The following LPAR1 variants were observed in gnomAD, a reference collection of about 807,000 sequenced individuals.
The protein encoded by LPAR1 is lysophosphatidic acid receptor 1, also known as LPA receptor 1.
Under a neutral mutation model 23.8 loss-of-function variants are expected in LPAR1, and 5 were observed. The ratio of observed to expected loss-of-function variants is 0.21; its 90% CI spans 0.11 to 0.44. The LOEUF is 0.44. LPAR1 is among the 20% of genes least tolerant of loss of function. LPAR1 has a pLI of 0.99. For synonymous variants in LPAR1, 160 were observed against 164.7 expected, an observed-to-expected ratio of 0.97 and a Z score of 0.22; for missense variants, 311 against 482.8, an observed-to-expected ratio of 0.64 and a Z score of 3.33.
intron 5 of LPAR1, among the ~76,000 whole-genome samples, chr9:110,891,658 G>T (rs1029015378): frequency 6.6e-6 from 1 of 151,468 alleles, no homozygotes; most frequent in Non-Finnish European, 1.5e-5. Context: ...GGTGAGGGAG[G>T]GATATAAAAG....
intron 2 of LPAR1, among the ~76,000 whole-genome samples, chr9:111,025,027 T>C (rs1400757191): frequency 6.6e-6 from 1 of 152,242 alleles, no homozygotes; most frequent in Non-Finnish European, 1.5e-5. Context: ...CATGTGTCTT[T>C]ATAGTAGAAT....
intron 4 of LPAR1, among the ~76,000 whole-genome samples, chr9:110,950,610 C>T (rs2095539826): frequency 6.6e-6 from 1 of 151,780 alleles, no homozygotes; most frequent in South Asian, 2.1e-4. Flanking sequence ...AATCATCAAG[C>T]CATATGAATC....
At chr9:111,031,374 T>C (rs555478241) in intron 2 of LPAR1, among the ~76,000 whole-genome samples, 3 of 126,736 alleles carry the variant, frequency 2.4e-5, no homozygotes. Context: ...CTGGGTAATG[T>C]AGTGAGAGCC....
At chr9:111,027,991 A>G (rs892840978) in intron 2 of LPAR1, among the ~76,000 whole-genome samples, 2 of 151,892 alleles carry the variant, frequency 1.3e-5, no homozygotes, top group Admixed American at 1.3e-4. Flanking sequence ...AGTGTGACTA[A>G]TATGTAGTCA....
intron 5 of LPAR1, among the ~76,000 whole-genome samples, chr9:110,898,721 T>C (rs2087437007): frequency 6.6e-6 from 1 of 152,208 alleles, no homozygotes; most frequent in Non-Finnish European, 1.5e-5. Context: ...ATCTACAAAA[T>C]GAAGGAGATC....
At chr9:111,002,607 G>C (rs1188652500) in intron 2 of LPAR1, among the ~76,000 whole-genome samples, 1 of 152,168 alleles carries the variant, frequency 6.6e-6, no homozygotes, top group Non-Finnish European at 1.5e-5. Flanking sequence ...AGGTAATGAG[G>C]ATGAACACAG....
At chr9:110,913,650 A>C (rs2092729263) in intron 5 of LPAR1, among the ~76,000 whole-genome samples, 2 of 152,220 alleles carry the variant, frequency 1.3e-5, no homozygotes, top group African/African-American at 4.8e-5. Context: ...TATGCCCACA[A>C]ACAAAAAGCA....
chr9:111,000,303 CA>C (rs1359620157), intron 2 of LPAR1, among the ~76,000 whole-genome samples: 3 of 152,142 alleles, frequency 2.0e-5, no homozygotes, highest in Non-Finnish European at 4.4e-5. Context: ...GAGCTGGGTA[CA>C]AGAATTCTAA....
At chr9:111,013,541 C>A in intron 2 of LPAR1, among the ~76,000 whole-genome samples, 1 of 152,134 alleles carries the variant, frequency 6.6e-6, no homozygotes, top group East Asian at 1.9e-4. Flanking sequence ...CCTGTGTGAA[C>A]TCTATGAAAC....
At position 110,874,422 on chromosome 9, in the gene LPAR1, T is replaced by C. The variant is rs1588080302; in HGVS notation, c.*999A>G. On this transcript the variant is annotated 3_prime_UTR_variant, in exon 6 of 6. Coordinates refer to ENST00000683809, the MANE Select transcript of LPAR1 (RefSeq NM_001351411.2). ...ATGTAAAAAAAGTATACAATACACA[T>C]ATAGGCATACATGGGGGTTGCTTTT... The C allele has an allele frequency of 6.6e-6, 1 of 152,642 alleles. No individual in the cohort carries two copies. Among genetic ancestry groups the C allele is most frequent in the East Asian group, 1.9e-4 (1 of 5,202 alleles). 9.5% of individuals were successfully genotyped at this position (152,642 alleles called of 1,614,324 possible).
chr9:110,985,621 C>T (rs1256663963), intron 2 of LPAR1, among the ~76,000 whole-genome samples: 1 of 152,106 alleles, frequency 6.6e-6, no homozygotes, highest in Non-Finnish European at 1.5e-5. Flanking sequence ...TAAGTAAACA[C>T]TGTCTTAATT....
At position 111,025,987 on chromosome 9, in the gene LPAR1, C is replaced by T. The variant is rs142254911; in HGVS notation, c.-182+10135G>A. Reference sequence around the variant, plus strand: ...GATGCCTCCAGCTTTGTTCTTTTTGCTCAGGACTGTCTTGGCTATACGGGC... The same window carrying T: ...GATGCCTCCAGCTTTGTTCTTTTTGTTCAGGACTGTCTTGGCTATACGGGC... On this transcript the variant is annotated intron_variant, in intron 2 of 5. Coordinates refer to ENST00000683809, the MANE Select transcript of LPAR1 (RefSeq NM_001351411.2). 2.6e-3 allele frequency among the ~76,000 whole-genome samples: 397 copies of T among 152,214 alleles called. 1 individual carries two copies. The highest frequency in any genetic ancestry group is 9.2e-3 in the African/African-American group (381 of 41,532).
At chr9:111,032,219 C>T (rs1473253240) in intron 2 of LPAR1, among the ~76,000 whole-genome samples, 3 of 152,152 alleles carry the variant, frequency 2.0e-5, no homozygotes, top group African/African-American at 7.2e-5. Context: ...CCAGGAGTAG[C>T]GAAACTGGAG....
Position 110,875,592 on chromosome 9 carries a change from G to A in LPAR1, c.924C>T (p.Pro308=), listed in dbSNP as rs1439964419. The change falls in exon 6 of 6, where the codon CCC becomes CCT. Residue 308 remains proline, a synonymous_variant. Coordinates refer to ENST00000683809, the MANE Select transcript of LPAR1 (RefSeq NM_001351411.2). The part of the protein sequence containing the change: ...LLAEFNSAMN[P]IIYSYRDKEM... ...CTTTGTCGCGGTAGGAGTAAATGATGGGGTTCATGGCAGAGTTGAATTCAG... is the reference window on the plus strand; with the variant it reads ...CTTTGTCGCGGTAGGAGTAAATGATAGGGTTCATGGCAGAGTTGAATTCAG... 1.2e-6 allele frequency: 2 copies of A among 1,613,932 alleles called. No individual in the cohort carries two copies. Among genetic ancestry groups the A allele is most frequent in the Non-Finnish European group, 1.7e-6 (2 of 1,179,998 alleles).
rs545750811 is a variant in LPAR1 at position 111,012,547 on chromosome 9, G to A, written c.-182+23575C>T. The stretch of plus-strand genomic sequence containing the variant: ...CAAAAGCAGAATTGAATCTGGGTTG[G>A]TCTCAGTTGATGGTAAAGCTAGGAT... On this transcript the variant is annotated intron_variant, in intron 2 of 5. Transcript: ENST00000683809. 2.0e-5 allele frequency among the ~76,000 whole-genome samples: 3 copies of A among 152,042 alleles called. No individual in the cohort carries two copies. The East Asian group carries it at 5.8e-4, about 29-fold the overall frequency.
chr9:110,996,548 G>A (rs1203229244), intron 2 of LPAR1, among the ~76,000 whole-genome samples: 5 of 152,122 alleles, frequency 3.3e-5, no homozygotes, highest in East Asian at 3.8e-4. Flanking sequence ...CTGTGGGTGC[G>A]ACCTGACCAA....
intron 5 of LPAR1, among the ~76,000 whole-genome samples, chr9:110,884,576 C>T (rs1335828795): frequency 6.6e-6 from 1 of 152,178 alleles, no homozygotes; most frequent in Non-Finnish European, 1.5e-5. Flanking sequence ...ATCTGGCTAG[C>T]TAGCTACCAA....
intron 5 of LPAR1, among the ~76,000 whole-genome samples, chr9:110,879,114 C>G (rs1483593113): frequency 6.6e-6 from 1 of 151,980 alleles, no homozygotes; most frequent in Non-Finnish European, 1.5e-5. Flanking sequence ...TGGTATGCAA[C>G]AGTATGAAAG....
At chr9:111,002,567 A>C (rs2097147418) in intron 2 of LPAR1, among the ~76,000 whole-genome samples, 1 of 152,200 alleles carries the variant, frequency 6.6e-6, no homozygotes, top group Admixed American at 6.5e-5. Flanking sequence ...AAGATAGAAA[A>C]AGTGTCCCAG....
Sources: gnomAD v4.1 joint callset for allele counts (sites outside exome capture counted in the v4.1 genomes callset) on GRCh38, gnomAD v4.1.1 for gene constraint, MANE v1.5 for transcripts, NCBI Gene and HGNC (gene_info 2026-07-23, HGNC 2026-07-21) for gene names.